Variants in ALK observed in about 807,000 individuals in gnomAD.
The protein encoded by ALK is ALK tyrosine kinase receptor.
A neutral mutation model predicts 163.1 loss-of-function variants in ALK; 74 were observed. The ratio of observed to expected loss-of-function variants is 0.45; its 90% CI spans 0.38 to 0.55. The LOEUF (loss-of-function observed/expected upper bound fraction) is 0.55, where lower values mean the gene tolerates loss of function less well. ALK is among the 20% of genes least tolerant of loss of function. The pLI is 0.00. For synonymous variants in ALK, 960 were observed against 843.2 expected (o/e 1.14, Z -2.40); for missense variants, 2,063 against 2,105.3 (o/e 0.98, Z 0.39).
Position 29,228,432 on chromosome 2 carries a change from C to T in ALK, c.2815+452G>A, listed in dbSNP as rs144504558. 7.9e-4 allele frequency among the ~76,000 whole-genome samples: 121 copies of T among 152,236 alleles called. 1 individual carries two copies. The highest frequency in any genetic ancestry group is 2.7e-3 in the African/African-American group (112 of 41,558). ...GGCTAAGCCTGCCTGCAGTTGCCCTCGGGAATAGCTCCCATCAGCAGGCAC... is the reference window on the plus strand; with the variant it reads ...GGCTAAGCCTGCCTGCAGTTGCCCTTGGGAATAGCTCCCATCAGCAGGCAC... On this transcript the variant is annotated intron_variant, in intron 16 of 28. Transcript: ENST00000389048.
At position 29,822,172 on chromosome 2, in the gene ALK, A is replaced by G. The variant is rs114732157; in HGVS notation, c.667+97821T>C. The stretch of plus-strand genomic sequence containing the variant: ...CAATGCCACCTGATTCAGCAGAGGG[A>G]GGAGTCAAAGGACTGAATGGCGAAT... On this transcript the variant is annotated intron_variant, in intron 1 of 28. Transcript: ENST00000389048. Among the ~76,000 whole-genome samples the G allele has an allele frequency of 5.4e-3, 827 of 152,312 alleles. 3 individuals carry two copies. The highest frequency in any genetic ancestry group is 0.014 in the Middle Eastern group (4 of 292).
chr2:29,871,992 A>G (rs1395015565), intron 1 of ALK, among the ~76,000 whole-genome samples: 1 of 152,200 alleles, frequency 6.6e-6, no homozygotes, highest in Admixed American at 6.5e-5. Flanking sequence ...TTGTCCTCCA[A>G]GCCCTAGACT....
chr2:29,509,052 G>C (rs1672435801), intron 4 of ALK, among the ~76,000 whole-genome samples: 1 of 152,136 alleles, frequency 6.6e-6, no homozygotes, highest in Non-Finnish European at 1.5e-5. Context: ...GGACGGAGGG[G>C]AACAGTGATA....
chr2:29,724,236 G>A (rs17008529), intron 1 of ALK, among the ~76,000 whole-genome samples: 2,660 of 152,206 alleles, frequency 0.017, 75 homozygotes, highest in African/African-American at 0.059. Context: ...GCCTGTACAC[G>A]TTTTACTTAT....
chr2:29,199,559 C>T lies in ALK; in HGVS notation c.3939-1883G>A, dbSNP rs574132887. ...AATTTCCTCCTTACCCATTGACTCA[C>T]GATTAAAAACAGGTCTGTTTCTGGC... is the stretch of plus-strand genomic sequence containing the variant. On this transcript the variant is annotated intron_variant, in intron 26 of 28. Transcript: ENST00000389048. Among the ~76,000 whole-genome samples the T allele has an allele frequency of 3.9e-4, 60 of 152,278 alleles. No homozygotes were observed. In the South Asian group the frequency reaches 0.012, roughly 31 times the overall value.
At chr2:29,524,044 G>A (rs1373494669) in intron 4 of ALK, among the ~76,000 whole-genome samples, 1 of 151,986 alleles carries the variant, frequency 6.6e-6, no homozygotes, top group Non-Finnish European at 1.5e-5. Context: ...CCTGGGTGTG[G>A]GTGGAGGGCA....
chr2:29,406,227 C>T (rs1328198285), intron 4 of ALK, among the ~76,000 whole-genome samples: 2 of 152,166 alleles, frequency 1.3e-5, no homozygotes, highest in Admixed American at 6.5e-5. Context: ...CTGGGGCGGC[C>T]TCTATAGCAA....
intron 1 of ALK, among the ~76,000 whole-genome samples, chr2:29,864,824 C>G (rs1458539917): frequency 6.6e-6 from 1 of 152,142 alleles, no homozygotes; most frequent in East Asian, 1.9e-4. Flanking sequence ...AAGACACATC[C>G]CATGTTTGGA....
chr2:29,417,701 G>A (rs940636261), intron 4 of ALK, among the ~76,000 whole-genome samples: 2 of 152,144 alleles, frequency 1.3e-5, no homozygotes, highest in Non-Finnish European at 2.9e-5. Context: ...GTTTCCTACC[G>A]AAATAAAAAA....
chr2:29,810,220 G>A (rs1182335074), intron 1 of ALK, among the ~76,000 whole-genome samples: 2 of 152,150 alleles, frequency 1.3e-5, no homozygotes, highest in African/African-American at 4.8e-5. Context: ...TCAGGAGCTC[G>A]AGACCAGCCT....
At chr2:29,697,909 C>T (rs1283994167) in intron 2 of ALK, among the ~76,000 whole-genome samples, 5 of 152,322 alleles carry the variant, frequency 3.3e-5, no homozygotes, top group South Asian at 2.1e-4. Context: ...GTGTCCACAC[C>T]CATAGACAGC....
rs528185245 is a variant in ALK at position 29,560,357 on chromosome 2, C to G, written c.953-28241G>C. Among the ~76,000 whole-genome samples the G allele has an allele frequency of 3.3e-5, 5 of 152,200 alleles. No homozygotes were observed. The South Asian group carries it at 6.2e-4, about 19-fold the overall frequency. On this transcript the variant is annotated intron_variant, in intron 3 of 28. Coordinates refer to ENST00000389048, the MANE Select transcript of ALK (RefSeq NM_004304.5). ...ATGAAAGAAGCTAGACACAAAAGAC[C>G]ATGTATTTTATTATTGTCTTTACAG...
At chr2:29,701,078 A>G (rs1248109768) in intron 2 of ALK, among the ~76,000 whole-genome samples, 1 of 152,218 alleles carries the variant, frequency 6.6e-6, no homozygotes, top group Non-Finnish European at 1.5e-5. Context: ...GCTATTCTCC[A>G]TAACACCACA....
intron 4 of ALK, among the ~76,000 whole-genome samples, chr2:29,515,778 G>C (rs181209689): frequency 6.6e-6 from 1 of 152,162 alleles, no homozygotes; most frequent in Non-Finnish European, 1.5e-5. Context: ...GTTTCAGCAC[G>C]GAAGATGCAG....
At chr2:29,540,657 T>C (rs1016941075) in intron 3 of ALK, among the ~76,000 whole-genome samples, 1 of 151,708 alleles carries the variant, frequency 6.6e-6, no homozygotes, top group African/African-American at 2.4e-5. Flanking sequence ...GCCTTGTCCA[T>C]TATTTTTGAG....
chr2:29,336,962 T>A (rs1391110636), intron 5 of ALK, among the ~76,000 whole-genome samples: 1 of 152,060 alleles, frequency 6.6e-6, no homozygotes, highest in Non-Finnish European at 1.5e-5. Context: ...ACCTGGTGTC[T>A]AGGGGACTCA....
At chr2:29,822,257 G>C (rs977264109) in intron 1 of ALK, among the ~76,000 whole-genome samples, 2 of 152,128 alleles carry the variant, frequency 1.3e-5, no homozygotes, top group African/African-American at 4.8e-5. Context: ...AAAAGGCCTT[G>C]GCTCCCAACC....
rs1037485859 is a variant in ALK at position 29,920,343 on chromosome 2, G to A, written c.317C>T (p.Pro106Leu). ...TGAACCGGCGGTCCAGGAGACCCCC[G>A]GCGCCGGCCCCAGCAACCTGAGCAG... ...APLLRLLGPAPGVSWTAGSPA... is the reference protein window; with the variant it reads ...APLLRLLGPALGVSWTAGSPA... Residue 106 changes from proline to leucine, a missense_variant, in exon 1 of 29, where the codon CCG becomes CTG. By Grantham distance (98) the Pro-to-Leu change is moderately conservative. Coordinates refer to ENST00000389048, the MANE Select transcript of ALK (RefSeq NM_004304.5). The A allele has an allele frequency of 6.4e-7, 1 of 1,551,378 alleles. No individual in the cohort carries two copies. Among genetic ancestry groups the A allele is most frequent in the Non-Finnish European group, 8.7e-7 (1 of 1,148,796 alleles).
chr2:29,920,187 G>C lies in ALK; in HGVS notation c.473C>G (p.Pro158Arg), dbSNP rs2148443184. The part of the protein sequence containing the change: ...EAILEGCVGP[P>R]GEAAVGLLQF... Reference sequence around the variant, plus strand: ...GAGCAGCCCCACAGCCGCCTCCCCGGGGGGCCCGACGCAACCCTCCAAGAT... The same window carrying C: ...GAGCAGCCCCACAGCCGCCTCCCCGCGGGGCCCGACGCAACCCTCCAAGAT... The change falls in exon 1 of 29, where the codon CCC becomes CGC. Residue 158 changes from proline (P) to arginine (R), a missense_variant. Physicochemically the swap from Pro to Arg is moderately radical, Grantham distance 103. Coordinates refer to ENST00000389048, the MANE Select transcript of ALK (RefSeq NM_004304.5). 1 of 1,613,536 alleles carries C rather than the reference G, an allele frequency of 6.2e-7. No homozygotes were observed. Among genetic ancestry groups the C allele is most frequent in the Non-Finnish European group, 8.5e-7 (1 of 1,180,036 alleles).
Sources: allele counts gnomAD v4.1 joint callset (sites outside exome capture counted in the v4.1 genomes callset), GRCh38; gene constraint gnomAD v4.1.1; transcripts MANE v1.5; gene names NCBI Gene and HGNC (gene_info 2026-07-23, HGNC 2026-07-21).